Variants in CPSF4L observed in about 807,000 individuals in gnomAD.
CPSF4L encodes cleavage and polyadenylation specific factor 4 like.
CPSF4L carries 18 observed loss-of-function variants against 24.0 expected under a neutral mutation model. That is an observed-to-expected ratio of 0.75 (90% confidence interval 0.52 to 1.11). The LOEUF (loss-of-function observed/expected upper bound fraction) is 1.11. Ranked by LOEUF, CPSF4L falls within the 50% of genes least tolerant of loss-of-function variation. The pLI, the probability that CPSF4L is intolerant of heterozygous loss-of-function variation, is 0.00. For missense variants in CPSF4L, 211 were observed against 221.8 expected (o/e 0.95, Z 0.31); for synonymous variants, 72 against 77.2 (o/e 0.93, Z 0.35).
chr17:73,247,600 A>C (rs1037444570), downstream of CPSF4L: 8 of 404,934 alleles, frequency 2.0e-5, no homozygotes, highest in African/African-American at 1.6e-4. Context: ...AAAATAAGTT[A>C]TTTAATGAGA....
intron 4 of CPSF4L, 76 bp from the exon 5 acceptor site, chr17:73,252,799 G>T: frequency 1.1e-6 from 1 of 942,166 alleles, no homozygotes; most frequent in Non-Finnish European, 1.6e-6. Flanking sequence ...AAGCTCCCTA[G>T]GAAGGGTGTG....
At chr17:73,249,255 C>A (rs2061991602) in intron 5 of CPSF4L, among the ~76,000 whole-genome samples, 1 of 152,324 alleles carries the variant, frequency 6.6e-6, no homozygotes, top group Middle Eastern at 3.4e-3. Context: ...CTACTGCAAT[C>A]CACAGGCAGA....
upstream of CPSF4L, chr17:73,262,441 G>A (rs1255112808): frequency 6.6e-6 from 1 of 152,396 alleles, no homozygotes; most frequent in Non-Finnish European, 1.5e-5. Flanking sequence ...GAAACAGTTG[G>A]ATGAATGGCG....
At chr17:73,242,654 C>A in the CPSF4L span, among the ~76,000 whole-genome samples, 1 of 152,178 alleles carries the variant, frequency 6.6e-6, no homozygotes, top group Non-Finnish European at 1.5e-5. Context: ...CTCAAGTTAA[C>A]CAGTTGTATT....
downstream of CPSF4L, among the ~76,000 whole-genome samples, chr17:73,246,433 G>A (rs147762950): frequency 6.6e-3 from 1,001 of 152,320 alleles, 19 homozygotes; most frequent in African/African-American, 0.023. Context: ...CTACTCAGGA[G>A]GTTGAGGCAG....
intron 2 of CPSF4L, among the ~76,000 whole-genome samples, chr17:73,258,552 T>C (rs185813607): frequency 2.0e-5 from 3 of 152,252 alleles, no homozygotes; most frequent in Non-Finnish European, 4.4e-5. Context: ...TCCATCCGCC[T>C]CAGCCTCCCA....
intron 5 of CPSF4L, among the ~76,000 whole-genome samples, chr17:73,251,665 CAT>C (rs2062006509): frequency 6.6e-6 from 1 of 152,252 alleles, no homozygotes; most frequent in Non-Finnish European, 1.5e-5. Context: ...ATTAATTTCA[CAT>C]GTCACAAAAT....
At chr17:73,245,232 G>T (rs1436339577), downstream of CPSF4L, 1 of 1,612,216 alleles carries the variant, frequency 6.2e-7, no homozygotes, top group Non-Finnish European at 8.5e-7. Flanking sequence ...ACAGCAAAGG[G>T]CGTACAGTGG....
At chr17:73,255,405 G>A (rs1049511825) in intron 3 of CPSF4L, among the ~76,000 whole-genome samples, 30 of 152,014 alleles carry the variant, frequency 2.0e-4, no homozygotes, top group African/African-American at 7.2e-4. Flanking sequence ...TATTCAGGAG[G>A]CTGTGGTGGG....
intron 2 of CPSF4L, among the ~76,000 whole-genome samples, chr17:73,258,888 C>T (rs16977559): frequency 0.067 from 10,131 of 152,224 alleles, 815 homozygotes; most frequent in African/African-American, 0.19. Flanking sequence ...TTATGCTTCC[C>T]GATTCCAGAG....
rs78653931 is a variant in CPSF4L, at chr17:73,250,007, T to C, written c.498-1471A>G. ...ATAGACTCGAGCTTTTGGTTTTATG[T>C]ACATTTTGCTCCCGTTTTATGGATA... is the stretch of plus-strand genomic sequence containing the variant. On this transcript the variant is annotated intron_variant, in intron 5 of 5. Coordinates refer to ENST00000344935, the MANE Select transcript of CPSF4L (RefSeq NM_001129885.1). 4.4e-3 allele frequency: 1,807 copies of C among 414,764 alleles called. 36 individuals carry two copies. The highest frequency in any genetic ancestry group is 0.034 in the African/African-American group (1,642 of 48,922). 25.7% of individuals were successfully genotyped at this position (414,764 alleles called of 1,614,324 possible).
chr17:73,243,916 G>T (rs1052045317), downstream of CPSF4L, among the ~76,000 whole-genome samples: 11 of 152,082 alleles, frequency 7.2e-5, no homozygotes, highest in Non-Finnish European at 1.5e-4. Flanking sequence ...CTTTTCCTTG[G>T]TGCCTAAGAG....
downstream of CPSF4L, chr17:73,245,776 A>G (rs1385947915): frequency 3.4e-6 from 3 of 895,238 alleles, no homozygotes; most frequent in African/African-American, 1.8e-5. Flanking sequence ...GATTTTTAAA[A>G]TAGCACACTA....
At chr17:73,252,234 C>T (rs1042657931) in intron 5 of CPSF4L, among the ~76,000 whole-genome samples, 1 of 152,194 alleles carries the variant, frequency 6.6e-6, no homozygotes. Flanking sequence ...GCCCAGCTCT[C>T]GCCCTCCCAT....
At chr17:73,261,461 A>T (rs573594055) in intron 1 of CPSF4L, among the ~76,000 whole-genome samples, 1 of 152,314 alleles carries the variant, frequency 6.6e-6, no homozygotes, top group East Asian at 1.9e-4. Flanking sequence ...GGAGATTGAG[A>T]CCATCCTGGC....
chr17:73,245,485 G>T (rs1001646144), downstream of CPSF4L: 8 of 1,093,342 alleles, frequency 7.3e-6, no homozygotes, highest in Non-Finnish European at 8.9e-6. Context: ...AAGGAGATGT[G>T]AAGATGACAA....
At chr17:73,250,865 A>G (rs993675368) in intron 5 of CPSF4L, 1 of 815,702 alleles carries the variant, frequency 1.2e-6, no homozygotes, top group African/African-American at 1.7e-5. Flanking sequence ...CCTAATTCAC[A>G]CTCCTATCTG....
chr17:73,262,405 A>T (rs1176760842), upstream of CPSF4L: 1 of 152,456 alleles, frequency 6.6e-6, no homozygotes, highest in Non-Finnish European at 1.5e-5. Flanking sequence ...GGAGACAGGG[A>T]AAAAGGAATG....
chr17:73,253,497 C>A (rs1160988813), intron 4 of CPSF4L, among the ~76,000 whole-genome samples: 1 of 152,192 alleles, frequency 6.6e-6, no homozygotes, highest in Non-Finnish European at 1.5e-5. Flanking sequence ...GGCATGGGAA[C>A]CCTGCTGGGG....
Sources: allele counts gnomAD v4.1 joint callset (sites outside exome capture counted in the v4.1 genomes callset), GRCh38; gene constraint gnomAD v4.1.1; transcripts MANE v1.5; gene names NCBI Gene and HGNC (gene_info 2026-07-23, HGNC 2026-07-21).